LIPI: variants seen among roughly 807,000 people sequenced by gnomAD.
The protein encoded by LIPI is lipase I, also known as lipase member I.
In LIPI, 59 loss-of-function variants were observed where a neutral mutation model predicts 50.6. The observed-to-expected ratio is 1.16, with a 90% CI of 0.94 to 1.45. The LOEUF (loss-of-function observed/expected upper bound fraction) is 1.45. Among genes scored for constraint, LIPI ranks in the 40% most tolerant of loss-of-function variants. The pLI, the probability that LIPI is intolerant of heterozygous loss-of-function variation, is 0.00. For missense variants in LIPI, 586 were observed against 536.3 expected, an observed-to-expected ratio of 1.09 and a Z score of -0.92; for synonymous variants, 203 against 178.2, an observed-to-expected ratio of 1.14 and a Z score of -1.11.
intron 7 of LIPI, among the ~76,000 whole-genome samples, chr21:14,157,248 T>C (rs907407704): frequency 2.0e-5 from 3 of 151,900 alleles, no homozygotes; most frequent in African/African-American, 4.8e-5. Context: ...GATACCCATG[T>C]TAAGAAATTT....
intron 4 of LIPI, among the ~76,000 whole-genome samples, chr21:14,171,742 A>C (rs1470340767): frequency 6.6e-6 from 1 of 152,046 alleles, no homozygotes; most frequent in Admixed American, 6.6e-5. Context: ...CTTAAACATT[A>C]GACCTAAAAC....
At chr21:14,161,151 C>G (rs1457918240) in intron 7 of LIPI, among the ~76,000 whole-genome samples, 1 of 151,030 alleles carries the variant, frequency 6.6e-6, no homozygotes, top group Non-Finnish European at 1.5e-5. Flanking sequence ...GACATATTCA[C>G]ACAAAAACTT....
intron 4 of LIPI, among the ~76,000 whole-genome samples, chr21:14,169,887 GAC>G (rs1332561898): frequency 6.6e-6 from 1 of 151,998 alleles, no homozygotes; most frequent in Non-Finnish European, 1.5e-5. Flanking sequence ...AGGAAATAGA[GAC>G]ACAAAAAACC....
intron 4 of LIPI, among the ~76,000 whole-genome samples, chr21:14,171,164 T>C (rs2018888893): frequency 6.6e-6 from 1 of 150,854 alleles, no homozygotes; most frequent in African/African-American, 2.4e-5. Context: ...ACAAGGGATG[T>C]GATTGACCTC....
intron 4 of LIPI, among the ~76,000 whole-genome samples, chr21:14,174,593 G>A (rs9983711): frequency 0.33 from 50,544 of 151,414 alleles, 8,778 homozygotes; most frequent in African/African-American, 0.38. Flanking sequence ...TGGCTCTGTC[G>A]CCCAGGCTGG....
chr21:14,198,968 T>G (rs1251729876), intron 1 of LIPI, among the ~76,000 whole-genome samples: 3 of 152,004 alleles, frequency 2.0e-5, no homozygotes. Flanking sequence ...CTCAAAATGA[T>G]ACAATTACAT....
At chr21:14,117,600 G>A (rs1232102971) in intron 9 of LIPI, among the ~76,000 whole-genome samples, 1 of 152,138 alleles carries the variant, frequency 6.6e-6, no homozygotes, top group Non-Finnish European at 1.5e-5. Flanking sequence ...AGGTTTCAGA[G>A]GTTCATTAGA....
At chr21:14,116,603 C>T (rs1468954808) in intron 9 of LIPI, among the ~76,000 whole-genome samples, 3 of 152,116 alleles carry the variant, frequency 2.0e-5, no homozygotes, top group Non-Finnish European at 2.9e-5. Context: ...TTGACTGGCC[C>T]TCTAATGTAG....
chr21:14,195,802 A>G (rs997757598), intron 1 of LIPI, among the ~76,000 whole-genome samples: 1 of 152,186 alleles, frequency 6.6e-6, no homozygotes, highest in Non-Finnish European at 1.5e-5. Flanking sequence ...AGAATTAAAG[A>G]CATTTTACAA....
At chr21:14,182,210 C>T (rs148729362) in intron 3 of LIPI, among the ~76,000 whole-genome samples, 2,139 of 152,188 alleles carry the variant, frequency 0.014, 46 homozygotes, top group South Asian at 0.029. Context: ...CCATCTGGTC[C>T]TCTCTTGAAC....
intron 9 of LIPI, among the ~76,000 whole-genome samples, chr21:14,133,460 T>C (rs1001845478): frequency 1.3e-5 from 2 of 152,094 alleles, no homozygotes; most frequent in African/African-American, 2.4e-5. Flanking sequence ...AAACTAGACA[T>C]AGAAGGAACA....
Position 14,176,838 on chromosome 21 carries a change from T to A in LIPI, c.643+4920A>T, listed in dbSNP as rs377187381. 2.6e-5 allele frequency among the ~76,000 whole-genome samples: 4 copies of A among 152,010 alleles called. No individual in the cohort carries two copies. In the South Asian group the frequency reaches 8.3e-4, roughly 31 times the overall value. ...AGTTCTATGGTACATGTGCACTACG[T>A]GCAGGTTTGTTACATATGTATACAT... On this transcript the variant is annotated intron_variant, in intron 4 of 9. Coordinates refer to ENST00000681601, the MANE Select transcript of LIPI (RefSeq NM_001302998.2).
At chr21:14,172,502 G>A (rs930493461) in intron 4 of LIPI, among the ~76,000 whole-genome samples, 6 of 151,156 alleles carry the variant, frequency 4.0e-5, no homozygotes, top group African/African-American at 1.5e-4. Context: ...TTAAGAAAAT[G>A]TGGCACATAT....
At chr21:14,109,850 C>T (rs2016332303) in intron 9 of LIPI, among the ~76,000 whole-genome samples, 1 of 142,710 alleles carries the variant, frequency 7.0e-6, no homozygotes. Context: ...ATTTGCTGTC[C>T]TTTTACATTG....
At chr21:14,109,154 T>A (rs1461680487) in intron 9 of LIPI, 74 bp from the exon 10 acceptor site, 1 of 1,193,472 alleles carries the variant, frequency 8.4e-7, no homozygotes, top group Non-Finnish European at 1.2e-6. Context: ...CCTTCTCTCA[T>A]TAATATTAGA....
chr21:14,123,999 C>T (rs2016957829), intron 9 of LIPI, among the ~76,000 whole-genome samples: 2 of 152,208 alleles, frequency 1.3e-5, no homozygotes, highest in Admixed American at 6.5e-5. Context: ...CCAGTCCAGA[C>T]TTGGTCCAGG....
intron 2 of LIPI, among the ~76,000 whole-genome samples, chr21:14,188,697 C>A (rs139496926): frequency 1.3e-5 from 2 of 151,824 alleles, no homozygotes; most frequent in Admixed American, 6.6e-5. Flanking sequence ...TTTATTTCCC[C>A]CACCCACATA....
intron 1 of LIPI, among the ~76,000 whole-genome samples, chr21:14,193,615 A>G (rs192252863): frequency 6.6e-6 from 1 of 152,052 alleles, no homozygotes; most frequent in Non-Finnish European, 1.5e-5. Flanking sequence ...CAAGCAAATT[A>G]ACTAAGTTAA....
intron 7 of LIPI, among the ~76,000 whole-genome samples, chr21:14,158,170 C>T (rs1442853746): frequency 1.3e-5 from 2 of 151,720 alleles, no homozygotes; most frequent in South Asian, 2.1e-4. Flanking sequence ...ATTGCCAGTA[C>T]ACATGAAGCA....
Sources: gnomAD v4.1 joint callset for allele counts (sites outside exome capture counted in the v4.1 genomes callset) on GRCh38, gnomAD v4.1.1 for gene constraint, MANE v1.5 for transcripts, NCBI Gene and HGNC (gene_info 2026-07-23, HGNC 2026-07-21) for gene names.